FAT3: variants seen among roughly 807,000 people sequenced by gnomAD.
FAT3 encodes protocadherin Fat 3.
FAT3 carries 95 observed loss-of-function variants against 310.2 expected under a neutral mutation model. The ratio of observed to expected loss-of-function variants is 0.31; its 90% CI spans 0.26 to 0.36. FAT3 has a LOEUF of 0.36. Ranked by LOEUF, FAT3 falls within the 10% of genes least tolerant of loss-of-function variation. The pLI, the probability that FAT3 is intolerant of heterozygous loss-of-function variation, is 1.00. For missense variants in FAT3, 5,408 were observed against 5,715.6 expected (o/e 0.95, Z 1.74); for synonymous variants, 2,314 against 2,192.9 (o/e 1.06, Z -1.54).
intron 3 of FAT3, among the ~76,000 whole-genome samples, chr11:92,556,542 G>A (rs990134285): frequency 3.3e-5 from 5 of 152,142 alleles, no homozygotes; most frequent in South Asian, 4.1e-4. Context: ...TTGAAAAGCT[G>A]TGGTGATTTG....
intron 3 of FAT3, among the ~76,000 whole-genome samples, chr11:92,566,157 C>A (rs1337454077): frequency 6.6e-6 from 1 of 152,168 alleles, no homozygotes; most frequent in Admixed American, 6.5e-5. Context: ...AGTACAAAAT[C>A]TCCTTAAGCT....
intron 3 of FAT3, among the ~76,000 whole-genome samples, chr11:92,581,954 A>AG (rs1482618701): frequency 6.6e-6 from 1 of 152,056 alleles, no homozygotes; most frequent in African/African-American, 2.4e-5. Context: ...GGAATAAGAG[A>AG]GTGGCTGCTT....
intron 3 of FAT3, among the ~76,000 whole-genome samples, chr11:92,588,255 C>T (rs556756957): frequency 1.3e-5 from 2 of 151,918 alleles, no homozygotes; most frequent in South Asian, 4.2e-4. Context: ...TCTATTGCTG[C>T]TCCTTTTTGA....
intron 2 of FAT3, among the ~76,000 whole-genome samples, chr11:92,512,508 AAAATATATAT>A (rs1331980873): frequency 6.9e-6 from 1 of 145,124 alleles, no homozygotes; most frequent in East Asian, 2.0e-4. Flanking sequence ...ATCTCAAAAA[AAAATATATAT>A]AAATATATAT....
intron 1 of FAT3, among the ~76,000 whole-genome samples, chr11:92,269,066 C>A (rs1203968730): frequency 1.3e-5 from 2 of 152,158 alleles, no homozygotes; most frequent in Non-Finnish European, 2.9e-5. Context: ...AAAAATATCA[C>A]ATATCTCAAA....
intron 1 of FAT3, among the ~76,000 whole-genome samples, chr11:92,306,409 A>T (rs1947116818): frequency 1.4e-5 from 2 of 147,046 alleles, no homozygotes; most frequent in South Asian, 4.2e-4. Flanking sequence ...AAGTTTTTGT[A>T]GCTTCAGTTT....
chr11:92,779,791 A>T (rs938745515), intron 7 of FAT3, among the ~76,000 whole-genome samples: 1 of 152,200 alleles, frequency 6.6e-6, no homozygotes, highest in African/African-American at 2.4e-5. Flanking sequence ...CAGTCGAATC[A>T]CATGAGCCCT....
intron 4 of FAT3, among the ~76,000 whole-genome samples, chr11:92,737,765 T>C (rs1368957511): frequency 2.0e-5 from 3 of 152,082 alleles, no homozygotes; most frequent in Non-Finnish European, 1.5e-5. Flanking sequence ...ACGAACTTTG[T>C]TTTAGTTCAG....
At chr11:92,477,764 G>A (rs1952087026) in intron 2 of FAT3, among the ~76,000 whole-genome samples, 1 of 152,182 alleles carries the variant, frequency 6.6e-6, no homozygotes, top group Non-Finnish European at 1.5e-5. Flanking sequence ...TGTATTCAAG[G>A]TTCACTGATT....
At chr11:92,457,956 T>G (rs1282399168) in intron 2 of FAT3, among the ~76,000 whole-genome samples, 1 of 152,062 alleles carries the variant, frequency 6.6e-6, no homozygotes, top group Non-Finnish European at 1.5e-5. Flanking sequence ...AAAAATAAAC[T>G]GAAATATCTT....
rs5793614 is a variant in FAT3, at chr11:92,625,739, C to CT, written c.3608-71631dup. 3.1e-3 allele frequency among the ~76,000 whole-genome samples: 451 copies of CT among 146,722 alleles called. 1 individual carries two copies. Among genetic ancestry groups the CT allele is most frequent in the African/African-American group, 8.8e-3 (353 of 39,928 alleles). ...AGGAAACCAAGTATCTGTCCTTCAA[C>CT]TTTTTTTTTTTTTTGAACAGGATAG... On this transcript the variant is annotated intron_variant, in intron 3 of 27. Coordinates refer to ENST00000525166, the MANE Select transcript of FAT3 (RefSeq NM_001367949.2).
chr11:92,659,920 A>C (rs1404488620), intron 3 of FAT3, among the ~76,000 whole-genome samples: 1 of 152,134 alleles, frequency 6.6e-6, no homozygotes, highest in Admixed American at 6.5e-5. Context: ...GAAGTTGAAA[A>C]GGTACTAGGA....
At chr11:92,291,113 A>ACGCACACG (rs1555002204) in intron 1 of FAT3, among the ~76,000 whole-genome samples, 1 of 151,206 alleles carries the variant, frequency 6.6e-6, no homozygotes, top group African/African-American at 2.4e-5. Flanking sequence ...ACACACACAC[A>ACGCACACG]CACATGCACG....
chr11:92,600,513 G>A (rs559241250), intron 3 of FAT3, among the ~76,000 whole-genome samples: 1 of 152,282 alleles, frequency 6.6e-6, no homozygotes, highest in African/African-American at 2.4e-5. Context: ...CATAGAATAA[G>A]AGCAACTTAC....
intron 3 of FAT3, among the ~76,000 whole-genome samples, chr11:92,570,452 A>G (rs910410638): frequency 3.3e-5 from 5 of 152,194 alleles, no homozygotes; most frequent in Admixed American, 3.3e-4. Flanking sequence ...AGTTTTGATT[A>G]TGAAAATTTG....
Position 92,368,828 on chromosome 11 carries a change from G to GTATATATATATATATATATATA in FAT3, c.3292+13428_3292+13429insTATATATATATATATATATATA, listed in dbSNP as rs1565263475. On this transcript the variant is annotated intron_variant, in intron 2 of 27. Coordinates refer to ENST00000525166, the MANE Select transcript of FAT3 (RefSeq NM_001367949.2). The stretch of plus-strand genomic sequence containing the variant: ...ATGGCTAACAACAGTATGTTTGTGT[G>GTATATATATATATATATATATA]TATACATATATATATATATACACAC... 8.0e-4 allele frequency among the ~76,000 whole-genome samples: 87 copies of GTATATATATATATATATATATA among 108,094 alleles called. 1 individual carries two copies. The highest frequency in any genetic ancestry group is 4.8e-3 in the African/African-American group (84 of 17,408). The allele number at this position is 108,094 out of a possible 152,430, so 70.9% of individuals were successfully genotyped here. A position where few individuals can be genotyped will look rare whatever the true frequency, so the allele number is the denominator to read the frequency against.
intron 1 of FAT3, among the ~76,000 whole-genome samples, chr11:92,241,637 G>T (rs968104560): frequency 6.6e-6 from 1 of 151,784 alleles, no homozygotes; most frequent in East Asian, 1.9e-4. Flanking sequence ...AAGGTGGAGG[G>T]GTCCAATTTT....
chr11:92,841,477 T>C (rs1183093864), intron 18 of FAT3, among the ~76,000 whole-genome samples: 1 of 152,236 alleles, frequency 6.6e-6, no homozygotes, highest in Non-Finnish European at 1.5e-5. Context: ...TAAATATACA[T>C]TGTCTCTTTG....
rs376399512 is a variant in FAT3 at position 92,353,583 on chromosome 11, G to A, written c.1471G>A (p.Val491Ile). 5.2e-5 allele frequency: 84 copies of A among 1,613,624 alleles called. No individual in the cohort carries two copies. The highest frequency in any genetic ancestry group is 7.7e-5 in the South Asian group (7 of 91,072). Residue 491 changes from valine (V) to isoleucine (I), a missense_variant, in exon 2 of 28, where the codon GTT becomes ATT. Transcript: ENST00000525166. Reference protein sequence around the residue: ...VNESVPVGTSVLTVSASDKDK... With the variant: ...VNESVPVGTSILTVSASDKDK... Reference sequence around the variant, plus strand: ...TGAAAGTGTCCCAGTGGGAACCAGCGTTCTAACAGTTTCAGCTTCTGATAA... The same window carrying A: ...TGAAAGTGTCCCAGTGGGAACCAGCATTCTAACAGTTTCAGCTTCTGATAA...
Sources: gnomAD v4.1 joint callset for allele counts (sites outside exome capture counted in the v4.1 genomes callset) on GRCh38, gnomAD v4.1.1 for gene constraint, MANE v1.5 for transcripts, NCBI Gene and HGNC (gene_info 2026-07-23, HGNC 2026-07-21) for gene names.